Variants in ADAP1 observed in about 807,000 individuals in gnomAD.
ADAP1 encodes ArfGAP with dual PH domains 1, also known as arf-GAP with dual PH domain-containing protein 1.
In ADAP1, 31 loss-of-function variants were observed where a neutral mutation model predicts 54.9. The ratio of observed to expected loss-of-function variants is 0.56; its 90% CI spans 0.42 to 0.76. The LOEUF is 0.76. ADAP1 is among the 30% of genes least tolerant of loss of function. The probability of loss-of-function intolerance (pLI) is 0.00; values close to 1 mark genes in which losing one functional copy is unlikely to be tolerated. For synonymous variants in ADAP1, 313 were observed against 202.6 expected (o/e 1.55, Z -4.63); for missense variants, 535 against 512.4 (o/e 1.04, Z -0.42).
intron 4 of ADAP1, among the ~76,000 whole-genome samples, chr7:919,662 A>G (rs1481787722): frequency 4.8e-5 from 5 of 103,824 alleles, no homozygotes; most frequent in Middle Eastern, 3.8e-3. Context: ...CAGAGAGATA[A>G]AGAGAGACAG....
chr7:914,730 C>T (rs1380385711), intron 4 of ADAP1, among the ~76,000 whole-genome samples: 2 of 152,184 alleles, frequency 1.3e-5, no homozygotes, highest in African/African-American at 4.8e-5. Flanking sequence ...CACAAGGAGA[C>T]AGGCAGGGCA....
chr7:907,777 G>A (rs371569279), intron 4 of ADAP1, among the ~76,000 whole-genome samples: 5 of 152,206 alleles, frequency 3.3e-5, no homozygotes, highest in South Asian at 4.1e-4. Flanking sequence ...AGGTCCCGCC[G>A]TTGGCAGCAG....
chr7:906,806 G>GGGGTGACATGGGTGACAT (rs1845475013), intron 4 of ADAP1, among the ~76,000 whole-genome samples: 1 of 44,398 alleles, frequency 2.3e-5, no homozygotes, highest in Non-Finnish European at 4.6e-5. Context: ...CAGGGGACAT[G>GGGGTGACATGGGTGACAT]GGGGGACATG....
chr7:952,498 G>A (rs2128113648), intron 1 of ADAP1, among the ~76,000 whole-genome samples: 1 of 152,278 alleles, frequency 6.6e-6, no homozygotes, highest in Middle Eastern at 3.4e-3. Flanking sequence ...AGAGCAGCTG[G>A]CATCAGCAAA....
chr7:948,306 G>A (rs1847192256), intron 1 of ADAP1, among the ~76,000 whole-genome samples: 1 of 151,758 alleles, frequency 6.6e-6, no homozygotes. Flanking sequence ...ATTCAGTACG[G>A]AGCCCACCTC....
At chr7:950,208 G>C (rs928611558) in intron 1 of ADAP1, among the ~76,000 whole-genome samples, 1 of 152,230 alleles carries the variant, frequency 6.6e-6, no homozygotes, top group Non-Finnish European at 1.5e-5. Flanking sequence ...AATACCAGCC[G>C]GGCATGGTGG....
Position 920,141 on chromosome 7 carries a change from G to C in ADAP1, c.306-91C>G. ...CTGGCCCGGACCCTGGACATCTCAA[G>C]AGGCTCATAGGGACCCCCGGCAGAC... On this transcript the variant is annotated intron_variant, in intron 3 of 10. Coordinates refer to ENST00000265846, the MANE Select transcript of ADAP1 (RefSeq NM_006869.4). The surrounding 1 kb of genome is among the most constrained non-coding windows in gnomAD (Gnocchi z 4.5). 8.4e-7 allele frequency: 1 copy of C among 1,185,350 alleles called. No homozygotes were observed. The highest frequency in any genetic ancestry group is 1.5e-5 in the African/African-American group (1 of 65,832). 73.4% of individuals were successfully genotyped at this position (1,185,350 alleles called of 1,614,324 possible).
intron 6 of ADAP1, chr7:901,083 C>G (rs1844786689): frequency 2.1e-6 from 1 of 468,346 alleles, no homozygotes; most frequent in Non-Finnish European, 4.4e-6. Context: ...GCCCTTGGAG[C>G]TGTGGCCCCT....
intron 5 of ADAP1, 138 bp from the exon 6 acceptor site, chr7:904,410 G>A: frequency 9.0e-7 from 1 of 1,115,158 alleles, no homozygotes; most frequent in Non-Finnish European, 1.2e-6. Context: ...AGCGCTCTGA[G>A]CCTTGGCCTC....
At chr7:907,763 G>A (rs951898713) in intron 4 of ADAP1, among the ~76,000 whole-genome samples, 6 of 152,298 alleles carry the variant, frequency 3.9e-5, no homozygotes, top group African/African-American at 1.2e-4. Context: ...CTTGGGTCGC[G>A]TGCAGGTCCC....
intron 4 of ADAP1, among the ~76,000 whole-genome samples, chr7:915,284 TCTGTGTACCTCACCCGTGCCTCATGCACA>T (rs1845889211): frequency 6.6e-6 from 1 of 151,822 alleles, no homozygotes; most frequent in Admixed American, 6.5e-5. Flanking sequence ...GTACATCTCG[TCTGTGTACCTCACCCGTGCCTCATGCACA>T]CTGTGCACCT....
chr7:942,008 C>T lies in ADAP1; in HGVS notation c.83-6503G>A, dbSNP rs146428915. On this transcript the variant is annotated intron_variant, in intron 1 of 10. Coordinates refer to ENST00000265846, the MANE Select transcript of ADAP1 (RefSeq NM_006869.4). ...AATAAACCCACACATATGTGGACAA[C>T]TAATTATCGGCAAAGATATAAAGCC... 3.2e-4 allele frequency among the ~76,000 whole-genome samples: 48 copies of T among 152,328 alleles called. No homozygotes were observed. In the East Asian group the frequency reaches 7.5e-3, roughly 24 times the overall value.
Position 904,116 on chromosome 7 carries a change from C to T in ADAP1, c.648+10G>A. The T allele has an allele frequency of 3.7e-6, 6 of 1,611,746 alleles. No individual in the cohort carries two copies. The highest frequency in any genetic ancestry group is 5.1e-6 in the Non-Finnish European group (6 of 1,179,626). On this transcript the variant is annotated intron_variant, in intron 6 of 10. Coordinates refer to ENST00000265846, the MANE Select transcript of ADAP1 (RefSeq NM_006869.4). ...GTGCCACCCGGGCCCGAGTGCTCGC[C>T]AGCACCCACCTTCCCGTCCTCATGG...
At chr7:908,479 G>A (rs1023755873) in intron 4 of ADAP1, among the ~76,000 whole-genome samples, 2 of 152,184 alleles carry the variant, frequency 1.3e-5, no homozygotes, top group Admixed American at 6.5e-5. Context: ...CTACAAGGCT[G>A]CTGCCCCAGC....
In ADAP1 at chr7:920,102, G is replaced by A; in HGVS notation, c.306-52C>T. ...CTGGGCCAAGGCGGCCTCCGACCCA[G>A]CACACGCCGCTCTCTGGCCCGGACC... On this transcript the variant is annotated intron_variant, in intron 3 of 10. Transcript: ENST00000265846. This position sits in a 1 kb window ranked among gnomAD's most constrained non-coding sequence, Gnocchi z 4.5. 6.5e-7 allele frequency: 1 copy of A among 1,535,652 alleles called. No individual in the cohort carries two copies. The highest frequency in any genetic ancestry group is 1.7e-5 in the Admixed American group (1 of 58,090).
intron 1 of ADAP1, among the ~76,000 whole-genome samples, chr7:939,690 G>GCGTGGT (rs1304350795): frequency 2.0e-5 from 3 of 151,992 alleles, no homozygotes; most frequent in African/African-American, 7.2e-5. Context: ...AATTAGCCGG[G>GCGTGGT]CGTGGTGGCG....
At chr7:911,199 G>A (rs1403895247) in intron 4 of ADAP1, among the ~76,000 whole-genome samples, 1 of 152,164 alleles carries the variant, frequency 6.6e-6, no homozygotes, top group Admixed American at 6.5e-5. Context: ...TCCCAGGGGT[G>A]AGGCCAGAGG....
chr7:935,625 C>T, intron 1 of ADAP1, 120 bp from the exon 2 acceptor site: 4 of 1,309,926 alleles, frequency 3.1e-6, no homozygotes, highest in African/African-American at 1.5e-5. Flanking sequence ...GCGGAGACCC[C>T]CGGGTACACC....
At chr7:907,930 T>C (rs1055142591) in intron 4 of ADAP1, among the ~76,000 whole-genome samples, 3 of 151,220 alleles carry the variant, frequency 2.0e-5, no homozygotes, top group African/African-American at 7.3e-5. Flanking sequence ...CGAGCATCCG[T>C]GGCCCCTCCA....
Sources: gnomAD v4.1 joint callset for allele counts (sites outside exome capture counted in the v4.1 genomes callset) on GRCh38, gnomAD v4.1.1 for gene constraint, Gnocchi (gnomAD v3.1) non-coding constraint, MANE v1.5 for transcripts, NCBI Gene and HGNC (gene_info 2026-07-23, HGNC 2026-07-21) for gene names.